ATP8A1: variants seen among roughly 807,000 people sequenced by gnomAD.
The protein encoded by ATP8A1 is ATPase phospholipid transporting 8A1.
Under a neutral mutation model 177.7 loss-of-function variants are expected in ATP8A1, and 90 were observed. The ratio of observed to expected loss-of-function variants is 0.51; its 90% CI spans 0.43 to 0.60. The LOEUF (loss-of-function observed/expected upper bound fraction) is 0.60. ATP8A1 is among the 20% of genes least tolerant of loss of function. ATP8A1 has a pLI of 0.00. For missense variants in ATP8A1, 1,072 were observed against 1,392.8 expected, an observed-to-expected ratio of 0.77 and a Z score of 3.67; for synonymous variants, 493 against 485.9, an observed-to-expected ratio of 1.01 and a Z score of -0.19.
At chr4:42,580,114 C>T (rs560136312) in intron 10 of ATP8A1, 136 bp from the exon 11 acceptor site, 1 of 650,146 alleles carries the variant, frequency 1.5e-6, no homozygotes, top group Admixed American at 3.8e-5. Flanking sequence ...TTATGTGAAA[C>T]CCATGACAAA....
At chr4:42,515,329 T>C (rs1319649733) in intron 22 of ATP8A1, among the ~76,000 whole-genome samples, 1 of 152,236 alleles carries the variant, frequency 6.6e-6, no homozygotes, top group Non-Finnish European at 1.5e-5. Flanking sequence ...ATAGATGTGG[T>C]AGTTTTATCT....
intron 4 of ATP8A1, among the ~76,000 whole-genome samples, chr4:42,621,008 A>G (rs962358274): frequency 7.9e-5 from 12 of 152,246 alleles, no homozygotes; most frequent in Non-Finnish European, 1.0e-4. Context: ...AAGGTACTCA[A>G]TGATAATTAG....
chr4:42,545,161 A>C (rs1300894968), intron 19 of ATP8A1, among the ~76,000 whole-genome samples: 21 of 73,526 alleles, frequency 2.9e-4, no homozygotes, highest in Admixed American at 2.8e-3. Context: ...CTCCGTCTCA[A>C]AAAAAAAAAA....
intron 15 of ATP8A1, among the ~76,000 whole-genome samples, chr4:42,564,933 T>A (rs1192107353): frequency 6.6e-6 from 1 of 152,112 alleles, no homozygotes; most frequent in African/African-American, 2.4e-5. Flanking sequence ...TGGGGACAGG[T>A]CTTTCCTGTG....
chr4:42,507,780 T>TG (rs1724557433), intron 22 of ATP8A1, among the ~76,000 whole-genome samples: 1 of 17,700 alleles, frequency 5.6e-5, no homozygotes. Flanking sequence ...ACAGGCATTC[T>TG]AAAAAAAAAA....
chr4:42,449,093 C>A (rs1435897153), intron 30 of ATP8A1, among the ~76,000 whole-genome samples: 1 of 152,080 alleles, frequency 6.6e-6, no homozygotes, highest in Non-Finnish European at 1.5e-5. Context: ...GCATTGGGCT[C>A]CCAAAGTGCT....
At chr4:42,552,816 T>C (rs918434865) in intron 16 of ATP8A1, among the ~76,000 whole-genome samples, 3 of 152,136 alleles carry the variant, frequency 2.0e-5, no homozygotes, top group African/African-American at 7.2e-5. Flanking sequence ...CCGTCTCTAC[T>C]GAAAATACAA....
At chr4:42,532,743 C>T (rs1366866467) in intron 20 of ATP8A1, among the ~76,000 whole-genome samples, 1 of 152,134 alleles carries the variant, frequency 6.6e-6, no homozygotes, top group Non-Finnish European at 1.5e-5. Flanking sequence ...CCATCATATC[C>T]CCTGTGACTT....
chr4:42,564,279 G>C (rs965143874), intron 15 of ATP8A1, among the ~76,000 whole-genome samples: 1 of 152,174 alleles, frequency 6.6e-6, no homozygotes, highest in Non-Finnish European at 1.5e-5. Context: ...GTCCCTAGTG[G>C]AGCTGTGAGC....
chr4:42,646,659 G>T (rs1200953755), intron 1 of ATP8A1, among the ~76,000 whole-genome samples: 1 of 152,138 alleles, frequency 6.6e-6, no homozygotes, highest in Non-Finnish European at 1.5e-5. Flanking sequence ...CCACTAAAGT[G>T]GTGCTCTGGT....
chr4:42,632,285 T>C (rs1016734413), intron 1 of ATP8A1, among the ~76,000 whole-genome samples: 1 of 152,184 alleles, frequency 6.6e-6, no homozygotes, highest in Admixed American at 6.5e-5. Flanking sequence ...CTAGCTTTTA[T>C]TGAAATGAGC....
chr4:42,617,223 T>C (rs1737010820), intron 4 of ATP8A1, among the ~76,000 whole-genome samples: 1 of 152,160 alleles, frequency 6.6e-6, no homozygotes, highest in South Asian at 2.1e-4. Context: ...GCTGGCAGCA[T>C]ACACTCAGTC....
At chr4:42,594,330 G>C in intron 6 of ATP8A1, 1 of 1,602,366 alleles carries the variant, frequency 6.2e-7, no homozygotes, top group Non-Finnish European at 8.5e-7. Flanking sequence ...TATACTCTTT[G>C]CCTTTTATTA....
intron 32 of ATP8A1, among the ~76,000 whole-genome samples, chr4:42,444,279 T>G (rs1413849077): frequency 6.6e-6 from 1 of 152,206 alleles, no homozygotes; most frequent in African/African-American, 2.4e-5. Context: ...AGAAAAGACT[T>G]GTAATCCGTA....
Position 42,522,319 on chromosome 4 carries a change from T to C in ATP8A1, c.1808-20A>G. ...TTAACCCTGAAAAAGATAGCATACATCACCCCAACACACCAAAGATTTTCT... is the reference window on the plus strand; with the variant it reads ...TTAACCCTGAAAAAGATAGCATACACCACCCCAACACACCAAAGATTTTCT... On this transcript the variant is annotated intron_variant, in intron 21 of 36. Transcript: ENST00000381668. 1.2e-6 allele frequency: 2 copies of C among 1,611,062 alleles called. No homozygotes were observed. The highest frequency in any genetic ancestry group is 1.7e-6 in the Non-Finnish European group (2 of 1,179,354).
At chr4:42,463,651 C>G (rs1247474823) in intron 27 of ATP8A1, among the ~76,000 whole-genome samples, 1 of 152,146 alleles carries the variant, frequency 6.6e-6, no homozygotes, top group African/African-American at 2.4e-5. Flanking sequence ...AAATTGTTTA[C>G]AGAACAAAAT....
At chr4:42,462,204 A>G (rs953683783) in intron 27 of ATP8A1, among the ~76,000 whole-genome samples, 9 of 152,270 alleles carry the variant, frequency 5.9e-5, no homozygotes, top group African/African-American at 2.2e-4. Flanking sequence ...TCGCCTAAGT[A>G]ATGAGAAGCC....
intron 12 of ATP8A1, among the ~76,000 whole-genome samples, chr4:42,577,662 T>C (rs1376338361): frequency 6.6e-6 from 1 of 152,118 alleles, no homozygotes; most frequent in Non-Finnish European, 1.5e-5. Flanking sequence ...AGAAAGTAGA[T>C]GTCCAACATT....
chr4:42,417,084 G>C (rs980726141), intron 35 of ATP8A1, among the ~76,000 whole-genome samples: 4 of 152,084 alleles, frequency 2.6e-5, no homozygotes, highest in African/African-American at 9.7e-5. Context: ...GTAGAGCAGA[G>C]TCCCTCCTTC....
Sources: gnomAD v4.1 joint callset for allele counts (sites outside exome capture counted in the v4.1 genomes callset) on GRCh38, gnomAD v4.1.1 for gene constraint, MANE v1.5 for transcripts, NCBI Gene and HGNC (gene_info 2026-07-23, HGNC 2026-07-21) for gene names.